The following ALPK3 variants were observed in gnomAD, a reference collection of about 807,000 sequenced individuals.
ALPK3 encodes the protein alpha-protein kinase 3.
Under a neutral mutation model 140.0 loss-of-function variants are expected in ALPK3, and 102 were observed. The ratio of observed to expected loss-of-function variants is 0.73; its 90% CI spans 0.62 to 0.86. ALPK3 has a LOEUF of 0.86. Ranked by LOEUF, ALPK3 falls within the 40% of genes least tolerant of loss-of-function variation. The pLI is 0.00. For missense variants in ALPK3, 2,254 were observed against 2,208.2 expected, an observed-to-expected ratio of 1.02 and a Z score of -0.42; for synonymous variants, 938 against 898.5, an observed-to-expected ratio of 1.04 and a Z score of -0.79.
At position 84,857,767 on chromosome 15, in the gene ALPK3, C is replaced by T; in HGVS notation, c.3029C>T (p.Thr1010Ile). Residue 1010 changes from threonine (T) to isoleucine (I), a missense_variant, in exon 6 of 14, where the codon ACA becomes ATA. By Grantham distance (89) the Thr-to-Ile change is moderately conservative. Coordinates refer to ENST00000258888, the MANE Select transcript of ALPK3 (RefSeq NM_020778.5). The stretch of plus-strand genomic sequence containing the variant: ...GAAGTGGCTGGGCTTAGTCCCCGGA[C>T]ATCGAGGCGCATCCTGGAGCGTGTG... ...TVEVAGLSPR[T>I]SRRILERVEN... is the part of the protein sequence containing the mutation. The T allele has an allele frequency of 3.1e-6, 5 of 1,612,956 alleles. No homozygotes were observed. The highest frequency in any genetic ancestry group is 1.7e-4 in the Middle Eastern group (1 of 6,058).
Position 84,823,989 on chromosome 15 carries a change from G to A in ALPK3, c.182+621G>A, listed in dbSNP as rs112377394. ...TTCCTAAAGTGCTGGGATTACAGGC[G>A]TAAGCCACTGTGCCTGGCCCCAATT... On this transcript the variant is annotated intron_variant, in intron 2 of 13. Transcript: ENST00000258888. Among the ~76,000 whole-genome samples, 668 of 152,340 alleles carry A rather than the reference G, an allele frequency of 4.4e-3. 3 individuals carry two copies. Among genetic ancestry groups the A allele is most frequent in the African/African-American group, 0.015 (627 of 41,576 alleles).
intron 5 of ALPK3, among the ~76,000 whole-genome samples, chr15:84,851,841 T>C (rs1300039589): frequency 6.6e-6 from 1 of 152,260 alleles, no homozygotes; most frequent in Non-Finnish European, 1.5e-5. Context: ...TAAGTCCATC[T>C]GCACATGAAA....
intron 4 of ALPK3, among the ~76,000 whole-genome samples, chr15:84,839,397 C>T (rs1488691403): frequency 1.3e-5 from 2 of 152,214 alleles, no homozygotes; most frequent in Non-Finnish European, 2.9e-5. Context: ...GCAACTGTAT[C>T]ATCATGACTT....
Position 84,862,676 on chromosome 15 carries a change from G to A in ALPK3, c.4171G>A (p.Gly1391Ser). Residue 1391 changes from glycine (G) to serine (S), a missense_variant, in exon 10 of 14, where the codon GGT becomes AGT. This residue lies in a region of ALPK3 where 2,088 missense variants were observed against 2,022.9 expected (regional missense o/e 1.03). Coordinates refer to ENST00000258888, the MANE Select transcript of ALPK3 (RefSeq NM_020778.5). The stretch of plus-strand genomic sequence containing the variant: ...GATGACCCCTATGGTGTTTGCTAAG[G>A]GTCTGGCTGACTCTGGCTGCTGGGG... The part of the protein sequence containing the change: ...IEMTPMVFAK[G>S]LADSGCWGDK... 1 of 1,614,124 alleles carries A rather than the reference G, an allele frequency of 6.2e-7. No individual in the cohort carries two copies. Among genetic ancestry groups the A allele is most frequent in the Non-Finnish European group, 8.5e-7 (1 of 1,180,014 alleles).
At chr15:84,819,163 A>G (rs1172128314) in intron 1 of ALPK3, among the ~76,000 whole-genome samples, 1 of 152,222 alleles carries the variant, frequency 6.6e-6, no homozygotes, top group East Asian at 1.9e-4. Flanking sequence ...CAGTTGTATG[A>G]TAGATAAATG....
chr15:84,839,403 G>A (rs1232143421), intron 4 of ALPK3, among the ~76,000 whole-genome samples: 1 of 152,216 alleles, frequency 6.6e-6, no homozygotes, highest in Non-Finnish European at 1.5e-5. Context: ...GTATCATCAT[G>A]ACTTCACGAG....
At chr15:84,863,916 C>A (rs1208877505) in intron 11 of ALPK3, among the ~76,000 whole-genome samples, 1 of 152,216 alleles carries the variant, frequency 6.6e-6, no homozygotes, top group Non-Finnish European at 1.5e-5. Context: ...AGTTTGGACA[C>A]AGCAATTTCT....
At position 84,840,199 on chromosome 15, in the gene ALPK3, C is replaced by T; in HGVS notation, c.920C>T (p.Ala307Val). ...GCCATGGAGCTGGGGCCTCAGAGAG[C>T]CCTCAAAGAGGAGAGTGGGGCCAAG... ...CDAMELGPQR[A>V]LKEESGAKKK... The change falls in exon 5 of 14, where the codon GCC becomes GTC. Residue 307 changes from alanine (A) to valine (V), a missense_variant. This residue lies in a region of ALPK3 where 2,088 missense variants were observed against 2,022.9 expected (regional missense o/e 1.03). Coordinates refer to ENST00000258888, the MANE Select transcript of ALPK3 (RefSeq NM_020778.5). 1 of 1,613,556 alleles carries T rather than the reference C, an allele frequency of 6.2e-7. No homozygotes were observed. The highest frequency in any genetic ancestry group is 8.5e-7 in the Non-Finnish European group (1 of 1,179,918).
At position 84,817,582 on chromosome 15, in the gene ALPK3, C is replaced by T. The variant is rs1963375311; in HGVS notation, c.130C>T (p.Arg44Trp). 3 of 1,501,126 alleles carry T rather than the reference C, an allele frequency of 2.0e-6. No individual in the cohort carries two copies. Among genetic ancestry groups the T allele is most frequent in the Non-Finnish European group, 2.7e-6 (3 of 1,130,628 alleles). The allele number at this position is 1,501,126 out of a possible 1,614,324, so 93.0% of individuals were successfully genotyped here. Residue 44 changes from arginine to tryptophan, a missense_variant, in exon 1 of 14, where the codon CGG becomes TGG. Physicochemically the swap from Arg to Trp is moderately radical, Grantham distance 101. Coordinates refer to ENST00000258888, the MANE Select transcript of ALPK3 (RefSeq NM_020778.5). ...PASRSYLLSVRPETSLSSNRL... is the reference protein window; with the variant it reads ...PASRSYLLSVWPETSLSSNRL... ...CAGCCGGAGCTACCTGCTCAGCGTGCGGCCCGAGACCAGGTAAGTGGCACC... is the reference window on the plus strand; with the variant it reads ...CAGCCGGAGCTACCTGCTCAGCGTGTGGCCCGAGACCAGGTAAGTGGCACC...
chr15:84,856,040 C>A (rs535968615), intron 5 of ALPK3, among the ~76,000 whole-genome samples: 1 of 152,252 alleles, frequency 6.6e-6, no homozygotes, highest in East Asian at 1.9e-4. Context: ...GGGGAGAGGA[C>A]AGTCTCCTTC....
intron 5 of ALPK3, among the ~76,000 whole-genome samples, chr15:84,851,329 C>T (rs8038225): frequency 0.077 from 11,703 of 152,058 alleles, 509 homozygotes; most frequent in East Asian, 0.12. Flanking sequence ...TAGTGTTGGG[C>T]GGAGGGACCC....
At position 84,840,636 on chromosome 15, in the gene ALPK3, A is replaced by C; in HGVS notation, c.1357A>C (p.Arg453=). Residue 453 remains arginine, a synonymous_variant, in exon 5 of 14, where the codon AGG becomes CGG. Coordinates refer to ENST00000258888, the MANE Select transcript of ALPK3 (RefSeq NM_020778.5). Reference sequence around the variant, plus strand: ...GAGTCCCAAGGGGAAGGCACCCCTCAGGGCTAGAAGCGAGGGGGTGCCTGG... The same window carrying C: ...GAGTCCCAAGGGGAAGGCACCCCTCCGGGCTAGAAGCGAGGGGGTGCCTGG... ...GESPKGKAPL[R]ARSEGVPGAP... is the part of the protein sequence containing the mutation. The C allele has an allele frequency of 1.9e-6, 3 of 1,564,868 alleles. No homozygotes were observed. Among genetic ancestry groups the C allele is most frequent in the Non-Finnish European group, 2.6e-6 (3 of 1,157,716 alleles).
Position 84,860,035 on chromosome 15 carries a change from A to G in ALPK3, c.4094-2A>G, listed in dbSNP as rs757952866. 1.9e-6 allele frequency: 3 copies of G among 1,613,782 alleles called. No homozygotes were observed. The highest frequency in any genetic ancestry group is 1.7e-6 in the Non-Finnish European group (2 of 1,179,942). ...ACTGCTTTCTTCTTTTTCTGTATCT[A>G]GTGTTGTCAGGATTCATCTCCAGAG... On this transcript the variant is annotated splice_acceptor_variant, in intron 8 of 13. Transcript: ENST00000258888. LOFTEE classifies it high-confidence loss of function.
intron 3 of ALPK3, among the ~76,000 whole-genome samples, chr15:84,832,649 C>G (rs73437937): frequency 0.064 from 9,800 of 152,252 alleles, 385 homozygotes; most frequent in African/African-American, 0.09. Flanking sequence ...CATCTACAAG[C>G]ACAGGGCATA....
At chr15:84,860,215 T>C in intron 9 of ALPK3, 143 bp downstream of exon 9, 1 of 1,070,642 alleles carries the variant, frequency 9.3e-7, no homozygotes. Context: ...TGGGAGATGA[T>C]GGAGGAGGAC....
rs901201267 is a variant in ALPK3, at chr15:84,856,254, A to C, written c.1654-138A>C. 1.3e-5 allele frequency: 17 copies of C among 1,265,660 alleles called. No homozygotes were observed. The South Asian group carries it at 2.5e-4, about 19-fold the overall frequency. 78.4% of individuals were successfully genotyped at this position (1,265,660 alleles called of 1,614,324 possible). A position where few individuals can be genotyped will look rare whatever the true frequency, so the allele number is the denominator to read the frequency against. ...CACATGTCTTTGCCTCCCAACTTCC[A>C]GCAGGCCTGAGAAACCAGGAGGCAA... On this transcript the variant is annotated intron_variant, in intron 5 of 13. Coordinates refer to ENST00000258888, the MANE Select transcript of ALPK3 (RefSeq NM_020778.5).
At chr15:84,859,651 G>T in intron 7 of ALPK3, 125 bp from the exon 8 acceptor site, 1 of 1,407,522 alleles carries the variant, frequency 7.1e-7, no homozygotes, top group Non-Finnish European at 9.3e-7. Flanking sequence ...CTGGAATCGC[G>T]CTGCTTCCCC....
At chr15:84,834,758 A>G (rs1286528033) in intron 3 of ALPK3, among the ~76,000 whole-genome samples, 2 of 152,370 alleles carry the variant, frequency 1.3e-5, no homozygotes, top group African/African-American at 2.4e-5. Flanking sequence ...CACAGGCTCA[A>G]GTGCCGCCAT....
intron 5 of ALPK3, among the ~76,000 whole-genome samples, chr15:84,850,914 A>ACACACACACACACC (rs1434291716): frequency 5.1e-4 from 76 of 149,352 alleles, no homozygotes; most frequent in African/African-American, 1.7e-3. Context: ...ACACACACAC[A>ACACACACACACACC]CCCTCTGTCA....
Sources: allele counts gnomAD v4.1 joint callset (sites outside exome capture counted in the v4.1 genomes callset), GRCh38; gene constraint gnomAD v4.1.1; regional missense constraint gnomAD v4.1.1; transcripts MANE v1.5; gene names NCBI Gene and HGNC (gene_info 2026-07-23, HGNC 2026-07-21).